The following CFAP54 variants were observed in gnomAD, a reference collection of about 807,000 sequenced individuals.
The protein encoded by CFAP54 is cilia- and flagella-associated protein 54.
CFAP54 carries 290 observed loss-of-function variants against 370.4 expected under a neutral mutation model. The ratio of observed to expected loss-of-function variants is 0.78; its 90% confidence interval spans 0.71 to 0.86. The LOEUF (loss-of-function observed/expected upper bound fraction) is 0.86, where lower values mean the gene tolerates loss of function less well. Ranked by LOEUF, CFAP54 falls within the 40% of genes least tolerant of loss-of-function variation. CFAP54 has a pLI of 0.00. For missense variants in CFAP54, 3,399 were observed against 3,528.7 expected (o/e 0.96, Z 0.93); for synonymous variants, 1,206 against 1,236.5 (o/e 0.98, Z 0.52).
intron 3 of CFAP54, among the ~76,000 whole-genome samples, chr12:96,506,255 C>T (rs1322508081): frequency 6.6e-6 from 1 of 150,464 alleles, no homozygotes; most frequent in East Asian, 2.0e-4. Flanking sequence ...AGGAGAATGG[C>T]GTGAACCCAG....
intron 67 of CFAP54, among the ~76,000 whole-genome samples, chr12:96,864,019 A>C (rs1315056348): frequency 2.0e-5 from 3 of 152,202 alleles, no homozygotes; most frequent in African/African-American, 7.2e-5. Flanking sequence ...CGGTAAGGAA[A>C]TGATGATGAA....
chr12:96,513,551 G>A (rs1158404083), intron 5 of CFAP54, among the ~76,000 whole-genome samples: 2 of 152,144 alleles, frequency 1.3e-5, no homozygotes, highest in Admixed American at 6.5e-5. Context: ...GACCAGCCTG[G>A]CCAACATGGC....
chr12:96,640,074 G>T (rs1044614845), intron 32 of CFAP54, among the ~76,000 whole-genome samples: 1 of 152,082 alleles, frequency 6.6e-6, no homozygotes, highest in Non-Finnish European at 1.5e-5. Context: ...GGAAGTTCTG[G>T]CCAGGGCAAT....
chr12:96,544,487 A>AG (rs34018052), intron 14 of CFAP54, among the ~76,000 whole-genome samples: 60,265 of 151,136 alleles, frequency 0.4, 12,579 homozygotes, highest in South Asian at 0.47. Context: ...TTTCTCTCCA[A>AG]GGATGGCCAT....
In CFAP54 at chr12:96,519,409, A is replaced by G. The variant is rs184696253; in HGVS notation, c.942+338A>G. Among the ~76,000 whole-genome samples the G allele has an allele frequency of 4.5e-3, 686 of 152,160 alleles. 4 individuals are homozygous for G. The highest frequency in any genetic ancestry group is 0.014 in the African/African-American group (596 of 41,512). On this transcript the variant is annotated intron_variant, in intron 6 of 67. Transcript: ENST00000524981. ...CCACTGTGTCCAGGCCCAATATTTT[A>G]AAATAGAGCGTATCCAGCATTTTCT...
intron 14 of CFAP54, among the ~76,000 whole-genome samples, chr12:96,546,301 C>T (rs538747093): frequency 1.2e-4 from 18 of 152,312 alleles, no homozygotes; most frequent in African/African-American, 4.1e-4. Context: ...CCCCACTCCA[C>T]ACTTAGTCAC....
intron 48 of CFAP54, among the ~76,000 whole-genome samples, chr12:96,710,335 T>C (rs370386042): frequency 2.8e-4 from 43 of 152,276 alleles, no homozygotes; most frequent in African/African-American, 8.2e-4. Context: ...AGGGGAAACA[T>C]GAGCAAGAAC....
At chr12:96,646,240 C>G (rs914627727) in intron 33 of CFAP54, 4 of 152,010 alleles carry the variant, frequency 2.6e-5, no homozygotes, top group African/African-American at 9.7e-5. Context: ...ACAATGAACT[C>G]AAACAAATTT....
Position 96,489,823 on chromosome 12 carries a change from C to G in CFAP54, c.214C>G (p.Leu72Val), listed in dbSNP as rs1389101540. Reference protein sequence around the residue: ...YGPLDAKNPLLASCEKEIQEL... With the variant: ...YGPLDAKNPLVASCEKEIQEL... ...GCCGCTGGACGCGAAAAACCCGCTC[C>G]TGGCCTCTTGTGAGAAGGAGATCCA... Residue 72 changes from leucine to valine, a missense_variant, in exon 1 of 68, where the codon CTG becomes GTG. By Grantham distance (32) the Leu-to-Val change is conservative. This residue lies in a region of CFAP54 where 559 missense variants were observed against 576.7 expected (regional missense o/e 0.97). Transcript: ENST00000524981. 1 of 1,536,172 alleles carries G rather than the reference C, an allele frequency of 6.5e-7. No individual in the cohort carries two copies.
Position 96,792,316 on chromosome 12 carries a change from GT to G in CFAP54, c.8680-10del, listed in dbSNP as rs1280458170. ...TACCAGTAATTAAACTGATGTTTTT[GT>G]TTGTTCCCTAGTTGTATCGCGATAG... On this transcript the variant is annotated splice_polypyrimidine_tract_variant and intron_variant, in intron 62 of 67. Transcript: ENST00000524981. 1.4e-6 allele frequency: 2 copies of G among 1,468,058 alleles called. No homozygotes were observed. Among genetic ancestry groups the G allele is most frequent in the Non-Finnish European group, 1.8e-6 (2 of 1,112,858 alleles). The allele number at this position is 1,468,058 out of a possible 1,614,324, so 90.9% of individuals were successfully genotyped here.
At chr12:96,808,434 A>G (rs1469571902) in intron 63 of CFAP54, among the ~76,000 whole-genome samples, 1 of 152,110 alleles carries the variant, frequency 6.6e-6, no homozygotes, top group Non-Finnish European at 1.5e-5. Flanking sequence ...TTTTCAGAGT[A>G]CTCACGAGAC....
At position 96,507,007 on chromosome 12, in the gene CFAP54, C is replaced by T; in HGVS notation, c.647C>T (p.Ser216Phe). 2.6e-6 allele frequency: 4 copies of T among 1,536,082 alleles called. No homozygotes were observed. Among genetic ancestry groups the T allele is most frequent in the Non-Finnish European group, 3.5e-6 (4 of 1,146,858 alleles). The change falls in exon 4 of 68, where the codon TCT (serine) becomes TTT (phenylalanine). Residue 216 changes from serine (S) to phenylalanine (F), a missense_variant. By Grantham distance (155) the Ser-to-Phe change is radical. Coordinates refer to ENST00000524981, the MANE Select transcript of CFAP54 (RefSeq NM_001306084.2). Reference sequence around the variant, plus strand: ...GATGAAAACCTGAAGAATAAAGAATCTGTGGTCCAGTGTCTGCATATCTTG... The same window carrying T: ...GATGAAAACCTGAAGAATAAAGAATTTGTGGTCCAGTGTCTGCATATCTTG... ...DSDENLKNKE[S>F]VVQCLHILSS...
rs150760842 is a variant in CFAP54 at position 96,827,633 on chromosome 12, A to G, written c.9097-1381A>G. ...GTGCAATTATATGTGATTATATATA[A>G]TGTGTAATATGATACATAGTAATAT... On this transcript the variant is annotated intron_variant, in intron 65 of 67. Coordinates refer to ENST00000524981, the MANE Select transcript of CFAP54 (RefSeq NM_001306084.2). Among the ~76,000 whole-genome samples, 349 of 47,912 alleles carry G rather than the reference A, an allele frequency of 7.3e-3. 52 individuals are homozygous for G. The highest frequency in any genetic ancestry group is 0.045 in the Middle Eastern group (2 of 44). The allele number at this position is 47,912 out of a possible 152,430, so 31.4% of individuals were successfully genotyped here.
At chr12:96,673,693 A>G (rs1320817585) in intron 39 of CFAP54, among the ~76,000 whole-genome samples, 1 of 152,214 alleles carries the variant, frequency 6.6e-6, no homozygotes, top group Non-Finnish European at 1.5e-5. Flanking sequence ...TATGTTTGCA[A>G]TTCTTTTAAA....
At position 96,590,489 on chromosome 12, in the gene CFAP54, C is replaced by T. The variant is rs139658252; in HGVS notation, c.3212+926C>T. 2.2e-4 allele frequency among the ~76,000 whole-genome samples: 33 copies of T among 152,290 alleles called. No homozygotes were observed. The East Asian group carries it at 4.8e-3, about 22-fold the overall frequency. On this transcript the variant is annotated intron_variant, in intron 23 of 67. Transcript: ENST00000524981. ...TGAAAGTTTTAAAATAAGGAGACAA[C>T]CCTTCATTCCTCAATCAAAAATAAT...
chr12:96,870,124 G>A (rs1364598316), intron 67 of CFAP54, among the ~76,000 whole-genome samples: 1 of 151,792 alleles, frequency 6.6e-6, no homozygotes, highest in Non-Finnish European at 1.5e-5. Flanking sequence ...AGTTGGGTGT[G>A]GTGGTGCATG....
chr12:96,708,486 C>A, intron 47 of CFAP54, 122 bp from the exon 48 acceptor site: 1 of 732,704 alleles, frequency 1.4e-6, no homozygotes, highest in Non-Finnish European at 2.2e-6. Flanking sequence ...ATTTACAATA[C>A]CCCATGCCCA....
intron 49 of CFAP54, among the ~76,000 whole-genome samples, chr12:96,720,109 A>T (rs1164614670): frequency 6.6e-6 from 1 of 152,242 alleles, no homozygotes; most frequent in East Asian, 1.9e-4. Flanking sequence ...GTATCCAGTA[A>T]TCAGTGTTTG....
chr12:96,753,187 G>GT (rs1825792432), intron 55 of CFAP54, among the ~76,000 whole-genome samples: 3 of 152,086 alleles, frequency 2.0e-5, no homozygotes, highest in Non-Finnish European at 4.4e-5. Flanking sequence ...CCATACAATG[G>GT]TTTTTTAAGT....
Sources: allele counts gnomAD v4.1 joint callset (sites outside exome capture counted in the v4.1 genomes callset), GRCh38; gene constraint gnomAD v4.1.1; regional missense constraint gnomAD v4.1.1; transcripts MANE v1.5; gene names NCBI Gene and HGNC (gene_info 2026-07-23, HGNC 2026-07-21).